The following PELI2 variants were observed in gnomAD, a reference collection of about 807,000 sequenced individuals.
PELI2 encodes the protein E3 ubiquitin-protein ligase pellino homolog 2.
A neutral mutation model predicts 42.3 loss-of-function variants in PELI2; 23 were observed. The observed-to-expected ratio is 0.54, with a 90% confidence interval of 0.39 to 0.77. The LOEUF is 0.77. PELI2 is among the 30% of genes least tolerant of loss of function. The probability of loss-of-function intolerance (pLI) is 0.00; values close to 1 mark genes in which losing one functional copy is unlikely to be tolerated. For missense variants in PELI2, 463 were observed against 553.2 expected, an observed-to-expected ratio of 0.84 and a Z score of 1.64; for synonymous variants, 245 against 212.2, an observed-to-expected ratio of 1.15 and a Z score of -1.34.
intron 3 of PELI2, among the ~76,000 whole-genome samples, chr14:56,282,667 A>T (rs1889519697): frequency 6.6e-6 from 1 of 152,044 alleles, no homozygotes; most frequent in Admixed American, 6.6e-5. Context: ...CAAAAATAAG[A>T]TTTATCATGT....
At chr14:56,293,959 C>A (rs1307173365) in intron 5 of PELI2, among the ~76,000 whole-genome samples, 2 of 152,116 alleles carry the variant, frequency 1.3e-5, no homozygotes, top group Non-Finnish European at 2.9e-5. Flanking sequence ...TGCAATGAGG[C>A]CTCCTCTGAG....
In PELI2 at chr14:56,162,388, A is replaced by G. The variant is rs138670957; in HGVS notation, c.78-15947A>G. On this transcript the variant is annotated intron_variant, in intron 1 of 5. Coordinates refer to ENST00000267460, the MANE Select transcript of PELI2 (RefSeq NM_021255.3). The stretch of plus-strand genomic sequence containing the variant: ...ATGTTTGTTTTTCTGTGCCTGGCCC[A>G]TTTCACTTAACATAGTGACTTCCAG... Among the ~76,000 whole-genome samples the G allele has an allele frequency of 9.7e-4, 147 of 152,282 alleles. 1 individual carries two copies. In the East Asian group the frequency reaches 0.019, roughly 20 times the overall value.
chr14:56,266,073 G>GA (rs1331815908), intron 2 of PELI2, among the ~76,000 whole-genome samples: 1 of 152,000 alleles, frequency 6.6e-6, no homozygotes, highest in Non-Finnish European at 1.5e-5. Flanking sequence ...TGCATATGCT[G>GA]AAAACAAACT....
intron 1 of PELI2, among the ~76,000 whole-genome samples, chr14:56,177,689 C>G (rs1885433664): frequency 6.6e-6 from 1 of 152,174 alleles, no homozygotes; most frequent in Non-Finnish European, 1.5e-5. Context: ...AGTTATTTGA[C>G]AATTTGTGGA....
intron 5 of PELI2, among the ~76,000 whole-genome samples, chr14:56,292,104 G>A (rs1175195278): frequency 6.6e-6 from 1 of 152,204 alleles, no homozygotes; most frequent in East Asian, 1.9e-4. Flanking sequence ...TGCTATGTGT[G>A]CTGGAGAATT....
At chr14:56,229,537 G>A (rs1887482109) in intron 2 of PELI2, among the ~76,000 whole-genome samples, 1 of 152,192 alleles carries the variant, frequency 6.6e-6, no homozygotes, top group Non-Finnish European at 1.5e-5. Flanking sequence ...GGTCCTGACT[G>A]TTAGAAGGAA....
chr14:56,138,104 C>T (rs897938407), intron 1 of PELI2, among the ~76,000 whole-genome samples: 1 of 152,242 alleles, frequency 6.6e-6, no homozygotes, highest in Non-Finnish European at 1.5e-5. Flanking sequence ...CCAGCCCGCT[C>T]TCGCTGCACC....
At chr14:56,236,337 A>C (rs1887793259) in intron 2 of PELI2, among the ~76,000 whole-genome samples, 1 of 152,186 alleles carries the variant, frequency 6.6e-6, no homozygotes, top group African/African-American at 2.4e-5. Context: ...CTTTATTCTC[A>C]GGTTTTAATG....
chr14:56,274,797 A>G (rs17091199), intron 2 of PELI2, among the ~76,000 whole-genome samples: 23,869 of 152,198 alleles, frequency 0.16, 2,198 homozygotes, highest in South Asian at 0.37. Context: ...CTTGACTCAC[A>G]TCTGGTCTGG....
rs776440058 is a variant in PELI2 at position 56,201,523 on chromosome 14, G to A, written c.207+23059G>A. ...AGAATTTTGCATGCATTCATCCATC[G>A]TTTTTAAGGGCCTACCACATAGATG... On this transcript the variant is annotated intron_variant, in intron 2 of 5. Coordinates refer to ENST00000267460, the MANE Select transcript of PELI2 (RefSeq NM_021255.3). Among the ~76,000 whole-genome samples the A allele has an allele frequency of 2.6e-5, 4 of 152,142 alleles. No individual in the cohort carries two copies. The East Asian group carries it at 7.7e-4, about 29-fold the overall frequency.
At chr14:56,166,428 T>C (rs1884965668) in intron 1 of PELI2, among the ~76,000 whole-genome samples, 1 of 152,148 alleles carries the variant, frequency 6.6e-6, no homozygotes, top group African/African-American at 2.4e-5. Context: ...TTAATAATAT[T>C]CTGTGTTTTT....
At chr14:56,235,114 G>T (rs904597092) in intron 2 of PELI2, among the ~76,000 whole-genome samples, 5 of 152,048 alleles carry the variant, frequency 3.3e-5, no homozygotes, top group African/African-American at 1.2e-4. Flanking sequence ...TTTAGTATTA[G>T]CTTGGTGCAA....
At chr14:56,249,827 C>T (rs914064530) in intron 2 of PELI2, among the ~76,000 whole-genome samples, 5 of 152,184 alleles carry the variant, frequency 3.3e-5, no homozygotes, top group Non-Finnish European at 5.9e-5. Flanking sequence ...TGTGCCCTGA[C>T]TCAGTCACTG....
rs181911056 is a variant in PELI2 at position 56,297,582 on chromosome 14, C to T, written c.*416C>T. The T allele has an allele frequency of 1.8e-3, 323 of 184,344 alleles. 3 individuals are homozygous for T. Among genetic ancestry groups the T allele is most frequent in the Non-Finnish European group, 2.7e-3 (237 of 87,136 alleles). 11.4% of individuals were successfully genotyped at this position (184,344 alleles called of 1,614,324 possible). ...TCAGTGCAGTGTGGTGTAGGTGTTA[C>T]GCGAAGGGCGCACAGTGTCTAGAAA... is the stretch of plus-strand genomic sequence containing the variant. On this transcript the variant is annotated 3_prime_UTR_variant, in exon 6 of 6. Coordinates refer to ENST00000267460, the MANE Select transcript of PELI2 (RefSeq NM_021255.3).
At chr14:56,296,168 C>A (rs1049019835) in intron 5 of PELI2, among the ~76,000 whole-genome samples, 1 of 152,114 alleles carries the variant, frequency 6.6e-6, no homozygotes, top group African/African-American at 2.4e-5. Context: ...GACTGCAGGC[C>A]CCCCGCAAGA....
At chr14:56,215,898 T>C (rs1286019728) in intron 2 of PELI2, among the ~76,000 whole-genome samples, 1 of 152,234 alleles carries the variant, frequency 6.6e-6, no homozygotes, top group African/African-American at 2.4e-5. Flanking sequence ...ATAGAAATTA[T>C]GCAGTTTTAT....
rs1201446904 is a variant in PELI2 at position 56,180,600 on chromosome 14, A to G, written c.207+2136A>G. 6.6e-6 allele frequency among the ~76,000 whole-genome samples: 1 copy of G among 152,188 alleles called. No homozygotes were observed. Among genetic ancestry groups the G allele is most frequent in the Non-Finnish European group, 1.5e-5 (1 of 68,040 alleles). On this transcript the variant is annotated intron_variant, in intron 2 of 5. Transcript: ENST00000267460. The surrounding 1 kb of genome is among the most constrained non-coding windows in gnomAD (Gnocchi z 4.4). Reference sequence around the variant, plus strand: ...AGATGGGCAAACTAAGAGCAGACATATTTATTGTGAGCAGATCAACCACAC... The same window carrying G: ...AGATGGGCAAACTAAGAGCAGACATGTTTATTGTGAGCAGATCAACCACAC...
intron 1 of PELI2, among the ~76,000 whole-genome samples, chr14:56,120,512 G>T (rs528378122): frequency 1.8e-4 from 28 of 152,284 alleles, no homozygotes; most frequent in African/African-American, 6.7e-4. Flanking sequence ...GGGATATAAC[G>T]TTGCAGTTGC....
At chr14:56,198,472 C>T (rs554389597) in intron 2 of PELI2, among the ~76,000 whole-genome samples, 1 of 152,292 alleles carries the variant, frequency 6.6e-6, no homozygotes, top group African/African-American at 2.4e-5. Context: ...CTGACAACAT[C>T]ACATGCACTG....
Sources: allele counts gnomAD v4.1 joint callset (sites outside exome capture counted in the v4.1 genomes callset), GRCh38; gene constraint gnomAD v4.1.1; non-coding constraint Gnocchi (gnomAD v3.1); transcripts MANE v1.5; gene names NCBI Gene and HGNC (gene_info 2026-07-23, HGNC 2026-07-21).